DMD: variants seen among roughly 807,000 people sequenced by gnomAD.
The protein encoded by DMD is mutant dystrophin.
In DMD, 63 loss-of-function variants were observed where a neutral mutation model predicts 330.1. That is an observed-to-expected ratio of 0.19 (90% CI 0.16 to 0.24). DMD has a LOEUF of 0.24. Ranked by LOEUF, DMD falls within the 10% of genes least tolerant of loss-of-function variation. DMD has a pLI of 1.00. For synonymous variants in DMD, 1,223 were observed against 959.8 expected (o/e 1.27, Z -5.07); for missense variants, 3,344 against 2,684.1 (o/e 1.25, Z -5.43).
intron 53 of DMD, among the ~76,000 whole-genome samples, chrX:31,660,047 T>C (rs2081038580): frequency 8.9e-6 from 1 of 112,040 alleles, no homozygotes; most frequent in Non-Finnish European, 1.9e-5. Flanking sequence ...CTCAGTTAAC[T>C]AAAACATCCT....
intron 54 of DMD, among the ~76,000 whole-genome samples, chrX:31,648,651 A>T (rs1199211075): frequency 2.5e-5 from 2 of 80,333 alleles, no homozygotes; most frequent in Non-Finnish European, 4.7e-5. Context: ...AAAAAAAAAA[A>T]AAAAAAAAAA....
intron 11 of DMD, among the ~76,000 whole-genome samples, chrX:32,640,007 G>T (rs943155986): frequency 1.8e-5 from 2 of 109,811 alleles, no homozygotes; most frequent in African/African-American, 6.6e-5. Flanking sequence ...CTTGAGACTA[G>T]CCTGGGAAAC....
intron 11 of DMD, among the ~76,000 whole-genome samples, chrX:32,623,553 G>C (rs2058141169): frequency 1.9e-5 from 2 of 103,289 alleles, no homozygotes; most frequent in South Asian, 9.1e-4. Flanking sequence ...TTTGAGACAG[G>C]GTCTCATTCT....
At chrX:33,052,758 T>C (rs142204135) in intron 1 of DMD, among the ~76,000 whole-genome samples, 5,617 of 111,545 alleles carry the variant, frequency 0.05, 344 homozygotes, top group African/African-American at 0.17. Context: ...GTAAATACTA[T>C]AGGGTGACTA....
chrX:32,592,879 C>T, intron 13 of DMD, among the ~76,000 whole-genome samples: 1 of 112,678 alleles, frequency 8.9e-6, no homozygotes, highest in Non-Finnish European at 1.9e-5. Context: ...TTGGTGCCTG[C>T]AGCAGAAGCT....
At chrX:32,176,235 C>T (rs769830279) in intron 44 of DMD, among the ~76,000 whole-genome samples, 29 of 111,997 alleles carry the variant, frequency 2.6e-4, no homozygotes, top group Admixed American at 5.7e-4. Context: ...TTCCCACTTT[C>T]TAAATTGTTT....
intron 74 of DMD, among the ~76,000 whole-genome samples, chrX:31,165,157 T>A (rs963216555): frequency 8.9e-6 from 1 of 112,170 alleles, no homozygotes; most frequent in Admixed American, 9.4e-5. Context: ...AGCAACGGGA[T>A]CATGATTTCC....
At chrX:32,511,538 A>G (rs1209822435) in intron 18 of DMD, among the ~76,000 whole-genome samples, 7 of 107,651 alleles carry the variant, frequency 6.5e-5, no homozygotes, top group Admixed American at 2.0e-4. Flanking sequence ...AAAAAAAAAA[A>G]AAAAAAAAAG....
chrX:31,803,136 A>G (rs1246286493), intron 50 of DMD, among the ~76,000 whole-genome samples: 1 of 112,188 alleles, frequency 8.9e-6, no homozygotes, highest in Non-Finnish European at 1.9e-5. Flanking sequence ...TTGCTCACTC[A>G]CTAAAACTTC....
At chrX:33,107,888 T>C (rs2095305451) in intron 1 of DMD, among the ~76,000 whole-genome samples, 1 of 111,845 alleles carries the variant, frequency 8.9e-6, no homozygotes, top group Admixed American at 9.5e-5. Context: ...ATATTTTTCC[T>C]TAAATGATAC....
intron 19 of DMD, among the ~76,000 whole-genome samples, chrX:32,495,125 G>T (rs1434904508): frequency 1.8e-5 from 2 of 111,933 alleles, no homozygotes; most frequent in Non-Finnish European, 3.8e-5. Context: ...ACATAATGTT[G>T]GGCACAGAAA....
chrX:31,511,235 T>TATATAATATAATATA (rs780455382), intron 55 of DMD, among the ~76,000 whole-genome samples: 4,389 of 102,259 alleles, frequency 0.043, 159 homozygotes, highest in African/African-American at 0.084. Context: ...ATATACATTA[T>TATATAATATAATATA]ACATAATATA....
At chrX:33,122,061 C>T (rs1603309850) in intron 1 of DMD, among the ~76,000 whole-genome samples, 1 of 111,074 alleles carries the variant, frequency 9.0e-6, no homozygotes, top group Admixed American at 9.6e-5. Flanking sequence ...CCCCGTCTCT[C>T]CTAAAAATAT....
intron 59 of DMD, among the ~76,000 whole-genome samples, chrX:31,451,345 C>A (rs74691379): frequency 2.0e-5 from 2 of 98,915 alleles, no homozygotes; most frequent in African/African-American, 7.5e-5. Flanking sequence ...TACAATGGCA[C>A]GATCTCGGCT....
chrX:31,596,496 GA>G (rs1303644156), intron 55 of DMD, among the ~76,000 whole-genome samples: 1 of 111,623 alleles, frequency 9.0e-6, no homozygotes, highest in African/African-American at 3.3e-5. Context: ...GAATTGAGAA[GA>G]CCTGGGCTGT....
chrX:32,530,990 T>A (rs750338504), intron 17 of DMD, among the ~76,000 whole-genome samples: 8 of 111,840 alleles, frequency 7.2e-5, no homozygotes, highest in Non-Finnish European at 1.5e-4. Context: ...GATAAATAAA[T>A]GTGGGTCACT....
At chrX:33,245,749 A>G (rs1212543004) in intron 1 of DMD, among the ~76,000 whole-genome samples, 3 of 112,418 alleles carry the variant, frequency 2.7e-5, no homozygotes, top group Non-Finnish European at 3.8e-5. Context: ...AACTTTGTTG[A>G]TGAGTTTTGC....
At chrX:32,404,333 C>G (rs1003864734) in intron 30 of DMD, among the ~76,000 whole-genome samples, 4 of 111,467 alleles carry the variant, frequency 3.6e-5, no homozygotes, top group Non-Finnish European at 7.5e-5. Context: ...ACCTGACGTC[C>G]TAGCTTGGTG....
At chrX:32,804,776 G>T (rs937479678) in intron 7 of DMD, among the ~76,000 whole-genome samples, 1 of 112,281 alleles carries the variant, frequency 8.9e-6, no homozygotes, top group South Asian at 3.7e-4. Context: ...CCAGAGGATG[G>T]AACAGGCAGC....
Sources: gnomAD v4.1 joint callset for allele counts (sites outside exome capture counted in the v4.1 genomes callset) on GRCh38, gnomAD v4.1.1 for gene constraint, MANE v1.5 for transcripts, NCBI Gene and HGNC (gene_info 2026-07-23, HGNC 2026-07-21) for gene names.